The following UXS1 variants were observed in gnomAD, a reference collection of about 807,000 sequenced individuals.
UXS1 encodes UDP-glucuronate decarboxylase 1.
A neutral mutation model predicts 62.6 loss-of-function variants in UXS1; 33 were observed. That is an observed-to-expected ratio of 0.53 (90% CI 0.40 to 0.70). UXS1 has a LOEUF of 0.70. Ranked by LOEUF, UXS1 falls within the 30% of genes least tolerant of loss-of-function variation. The pLI is 0.00. For synonymous variants in UXS1, 213 were observed against 206.8 expected (o/e 1.03, Z -0.26); for missense variants, 434 against 556.3 (o/e 0.78, Z 2.21).
chr2:106,111,625 G>A (rs953664077), intron 10 of UXS1, among the ~76,000 whole-genome samples: 4 of 152,226 alleles, frequency 2.6e-5, no homozygotes, highest in Non-Finnish European at 5.9e-5. Context: ...TAACCTCTGC[G>A]CTCCAGCATC....
chr2:106,113,214 A>C (rs1311476668), intron 9 of UXS1, among the ~76,000 whole-genome samples: 1 of 152,240 alleles, frequency 6.6e-6, no homozygotes, highest in Non-Finnish European at 1.5e-5. Flanking sequence ...GCTAGGGAGA[A>C]ATACAAGAAA....
At chr2:106,147,418 C>A (rs1241458882) in intron 5 of UXS1, among the ~76,000 whole-genome samples, 3 of 152,178 alleles carry the variant, frequency 2.0e-5, no homozygotes, top group Admixed American at 2.0e-4. Context: ...ACTTCCTTGT[C>A]ATAACTTAGA....
At chr2:106,156,427 T>C (rs1412828899) in intron 5 of UXS1, among the ~76,000 whole-genome samples, 2 of 152,182 alleles carry the variant, frequency 1.3e-5, no homozygotes, top group Non-Finnish European at 2.9e-5. Context: ...AACACTCATA[T>C]GCTGCTGGTG....
intron 7 of UXS1, 66 bp from the exon 8 acceptor site, chr2:106,125,745 C>A: frequency 1.5e-6 from 2 of 1,358,918 alleles, no homozygotes; most frequent in Non-Finnish European, 2.0e-6. Context: ...TTTTGCTGGC[C>A]AATTTAAGCA....
chr2:106,156,213 A>G (rs1328205124), intron 5 of UXS1, among the ~76,000 whole-genome samples: 2 of 152,230 alleles, frequency 1.3e-5, no homozygotes, highest in African/African-American at 4.8e-5. Context: ...TAACCCAATT[A>G]AAGAATAGGA....
chr2:106,181,005 C>A (rs1558757329), intron 1 of UXS1, among the ~76,000 whole-genome samples: 1 of 152,224 alleles, frequency 6.6e-6, no homozygotes, highest in Non-Finnish European at 1.5e-5. Context: ...AATATACTTT[C>A]CCTAAGGTTA....
At chr2:106,171,979 T>G (rs577574512) in intron 1 of UXS1, among the ~76,000 whole-genome samples, 2 of 152,380 alleles carry the variant, frequency 1.3e-5, no homozygotes, top group South Asian at 4.1e-4. Context: ...AGCCCCTGGC[T>G]GCGGGGTCCT....
chr2:106,107,974 T>A (rs534973862), intron 10 of UXS1, among the ~76,000 whole-genome samples: 4 of 152,184 alleles, frequency 2.6e-5, no homozygotes, highest in Admixed American at 6.5e-5. Flanking sequence ...TGGGCTGCAG[T>A]GGAAAGGCGT....
chr2:106,166,686 A>G (rs1683233691), intron 1 of UXS1, among the ~76,000 whole-genome samples: 1 of 140,322 alleles, frequency 7.1e-6, no homozygotes, highest in Non-Finnish European at 1.5e-5. Flanking sequence ...AGAGTTGGAC[A>G]GTGCAGGTGA....
In UXS1 at chr2:106,126,156, G is replaced by A. The variant is rs113161045; in HGVS notation, c.578-477C>T. On this transcript the variant is annotated intron_variant, in intron 7 of 14. Transcript: ENST00000283148. ...CCACTCATTCTTCTTCCTCCTATGCGGTTCAGCTTACACAGCACCTTTTCC... is the reference window on the plus strand; with the variant it reads ...CCACTCATTCTTCTTCCTCCTATGCAGTTCAGCTTACACAGCACCTTTTCC... Among the ~76,000 whole-genome samples, 42 of 152,146 alleles carry A rather than the reference G, an allele frequency of 2.8e-4. 1 individual carries two copies. Among genetic ancestry groups the A allele is most frequent in the African/African-American group, 8.7e-4 (36 of 41,478 alleles).
At chr2:106,146,939 C>T (rs976101240) in intron 5 of UXS1, among the ~76,000 whole-genome samples, 12 of 151,936 alleles carry the variant, frequency 7.9e-5, no homozygotes, top group African/African-American at 2.4e-4. Context: ...GATCATTTGA[C>T]GCCAGGCGTT....
At chr2:106,127,212 G>C (rs1680031212) in intron 7 of UXS1, among the ~76,000 whole-genome samples, 7 of 152,110 alleles carry the variant, frequency 4.6e-5, no homozygotes, top group Admixed American at 4.6e-4. Flanking sequence ...CATTCACACA[G>C]GTTTTCATGT....
intron 4 of UXS1, among the ~76,000 whole-genome samples, chr2:106,161,582 G>T (rs866854787): frequency 1.3e-5 from 2 of 152,168 alleles, no homozygotes; most frequent in African/African-American, 4.8e-5. Context: ...GAGGCAGAAT[G>T]AGGTAACAAA....
chr2:106,175,294 C>T (rs979921436), intron 1 of UXS1, among the ~76,000 whole-genome samples: 1 of 152,228 alleles, frequency 6.6e-6, no homozygotes, highest in Non-Finnish European at 1.5e-5. Flanking sequence ...GGACTGTTTG[C>T]TGTTCCTCTC....
intron 9 of UXS1, among the ~76,000 whole-genome samples, chr2:106,118,222 CTTT>C (rs5833170): frequency 1.4e-5 from 2 of 145,984 alleles, no homozygotes; most frequent in Non-Finnish European, 1.5e-5. Flanking sequence ...TGGCTGCTTA[CTTT>C]TTTTTTTTTT....
chr2:106,138,396 T>C, intron 6 of UXS1: 12 of 985,514 alleles, frequency 1.2e-5, no homozygotes, highest in Non-Finnish European at 1.4e-5. Context: ...GGCCTTTCCC[T>C]TCCTGATGCT....
chr2:106,096,518 C>T (rs756039489), intron 14 of UXS1, among the ~76,000 whole-genome samples, 200 bp downstream of exon 14: 2 of 152,134 alleles, frequency 1.3e-5, no homozygotes, highest in Non-Finnish European at 2.9e-5. Flanking sequence ...GGCTTCCAGC[C>T]GCTTCCCAGG....
At chr2:106,142,173 A>G (rs11124085) in intron 6 of UXS1, among the ~76,000 whole-genome samples, 33,142 of 152,182 alleles carry the variant, frequency 0.22, 4,126 homozygotes, top group Non-Finnish European at 0.28. Context: ...TGCCCAGCCA[A>G]CTTCCTCAAC....
chr2:106,180,954 T>C (rs1463214465), intron 1 of UXS1, among the ~76,000 whole-genome samples: 1 of 152,212 alleles, frequency 6.6e-6, no homozygotes, highest in Admixed American at 6.5e-5. Context: ...CCTAAGGATA[T>C]GTGACAATAT....
Sources: gnomAD v4.1 joint callset for allele counts (sites outside exome capture counted in the v4.1 genomes callset) on GRCh38, gnomAD v4.1.1 for gene constraint, MANE v1.5 for transcripts, NCBI Gene and HGNC (gene_info 2026-07-23, HGNC 2026-07-21) for gene names.